The following PDE1A variants were observed in gnomAD, a reference collection of about 807,000 sequenced individuals.
The protein encoded by PDE1A is dual specificity calcium/calmodulin-dependent 3',5'-cyclic nucleotide phosphodiesterase 1A.
PDE1A carries 35 observed loss-of-function variants against 61.7 expected under a neutral mutation model. That is an observed-to-expected ratio of 0.57 (90% CI 0.43 to 0.75). The LOEUF (loss-of-function observed/expected upper bound fraction) is 0.75. PDE1A is among the 30% of genes least tolerant of loss of function. The pLI, the probability that PDE1A is intolerant of heterozygous loss-of-function variation, is 0.00. For synonymous variants in PDE1A, 232 were observed against 213.2 expected (o/e 1.09, Z -0.77); for missense variants, 597 against 630.6 (o/e 0.95, Z 0.57).
At chr2:182,502,165 C>A (rs1296963404) in intron 2 of PDE1A, among the ~76,000 whole-genome samples, 1 of 152,154 alleles carries the variant, frequency 6.6e-6, no homozygotes, top group East Asian at 1.9e-4. Flanking sequence ...ATAAAAGTAA[C>A]CAGAGTTTTC....
chr2:182,453,188 G>A (rs2125724384), intron 2 of PDE1A, among the ~76,000 whole-genome samples: 1 of 152,196 alleles, frequency 6.6e-6, no homozygotes, highest in African/African-American at 2.4e-5. Flanking sequence ...CCTCAGCAAA[G>A]CATGGTGGTA....
intron 7 of PDE1A, among the ~76,000 whole-genome samples, chr2:182,212,540 CACAGGTCAGTGGGT>C (rs1687717227): frequency 6.6e-6 from 1 of 152,178 alleles, no homozygotes; most frequent in African/African-American, 2.4e-5. Context: ...AGACAGTGGG[CACAGGTCAGTGGGT>C]GCGCGCACCG....
exon 5 of PDE1A, chr2:182,231,020 A>G: frequency 1.3e-6 from 2 of 1,503,162 alleles, no homozygotes; most frequent in Non-Finnish European, 1.8e-6. Flanking sequence ...CTGACCTTGA[A>G]ACGGTTGATA....
rs1436697220 is a variant in PDE1A, at chr2:182,522,238, T to G, written c.101+38A>C. 1.9e-6 allele frequency: 3 copies of G among 1,549,880 alleles called. No homozygotes were observed. In the African/African-American group the frequency reaches 4.1e-5, roughly 21 times the overall value. ...ACAATTAGTCACGTTAATAGTCAAA[T>G]CTTTTGGGGGGAAATAAAAAGCAAA... On this transcript the variant is annotated intron_variant, in intron 2 of 14. Coordinates refer to the PDE1A transcript ENST00000410103.
intron 1 of PDE1A, among the ~76,000 whole-genome samples, chr2:182,407,144 T>C (rs1702343961): frequency 6.6e-6 from 1 of 152,198 alleles, no homozygotes; most frequent in South Asian, 2.1e-4. Context: ...TTGGCAGAGA[T>C]TTATGAAATC....
chr2:182,380,106 CTTTT>C (rs1226939777), intron 1 of PDE1A, among the ~76,000 whole-genome samples: 9 of 103,858 alleles, frequency 8.7e-5, no homozygotes, highest in Non-Finnish European at 1.1e-4. Context: ...CCCAGCTCCT[CTTTT>C]TTTTTTTTTT....
chr2:182,613,753 T>G, the PDE1A span, among the ~76,000 whole-genome samples: 1 of 152,194 alleles, frequency 6.6e-6, no homozygotes, highest in Non-Finnish European at 1.5e-5. Flanking sequence ...CTGTTCATTT[T>G]GAGAAATTTT....
the PDE1A span, among the ~76,000 whole-genome samples, chr2:182,701,947 C>T: frequency 1.3e-5 from 2 of 152,054 alleles, no homozygotes; most frequent in Non-Finnish European, 2.9e-5. Flanking sequence ...AATAAATAAA[C>T]AAAATTTAAG....
chr2:182,388,735 C>A (rs1446106405), intron 1 of PDE1A, among the ~76,000 whole-genome samples: 1 of 151,864 alleles, frequency 6.6e-6, no homozygotes, highest in Admixed American at 6.6e-5. Flanking sequence ...CAATCTAGCA[C>A]TGCACCTCAA....
chr2:182,177,455 T>A (rs1684362396), intron 13 of PDE1A, among the ~76,000 whole-genome samples: 1 of 152,136 alleles, frequency 6.6e-6, no homozygotes, highest in African/African-American at 2.4e-5. Flanking sequence ...TTCTTCTAGA[T>A]TTTCTAGCTT....
At chr2:182,166,805 T>C (rs557128056), downstream of PDE1A, among the ~76,000 whole-genome samples, 1 of 152,332 alleles carries the variant, frequency 6.6e-6, no homozygotes, top group South Asian at 2.1e-4. Context: ...AATATACTTA[T>C]TTGTGAAAAT....
chr2:182,405,470 C>T (rs1337170219), intron 1 of PDE1A, among the ~76,000 whole-genome samples: 1 of 152,208 alleles, frequency 6.6e-6, no homozygotes, highest in Non-Finnish European at 1.5e-5. Flanking sequence ...TTGCAGGAAA[C>T]TACAAATATG....
At chr2:182,295,952 A>G (rs536438888) in intron 1 of PDE1A, among the ~76,000 whole-genome samples, 39 of 152,340 alleles carry the variant, frequency 2.6e-4, no homozygotes, top group African/African-American at 8.7e-4. Context: ...CTTGCTAGAT[A>G]CTAGAAATTT....
At chr2:182,694,660 TGAC>T in the PDE1A span, among the ~76,000 whole-genome samples, 2 of 152,244 alleles carry the variant, frequency 1.3e-5, no homozygotes, top group Admixed American at 1.3e-4. Flanking sequence ...CACATATCCT[TGAC>T]TAATACAGCA....
At chr2:182,676,908 C>T in the PDE1A span, among the ~76,000 whole-genome samples, 1 of 152,136 alleles carries the variant, frequency 6.6e-6, no homozygotes, top group Non-Finnish European at 1.5e-5. Flanking sequence ...ATAGAAGGAA[C>T]ATAACTCAGA....
the PDE1A span, among the ~76,000 whole-genome samples, chr2:182,604,271 CCTGT>C: frequency 1.3e-5 from 2 of 152,130 alleles, no homozygotes; most frequent in African/African-American, 2.4e-5. Context: ...GCTTAGATAA[CCTGT>C]CTAATTATTT....
chr2:182,240,198 T>C (rs1489400463), exon 3 of PDE1A: 1 of 1,614,006 alleles, frequency 6.2e-7, no homozygotes. Flanking sequence ...ATCCCCATTT[T>C]CCGTGTAAAG....
At chr2:182,512,516 C>T (rs1689868864) in intron 2 of PDE1A, among the ~76,000 whole-genome samples, 1 of 152,196 alleles carries the variant, frequency 6.6e-6, no homozygotes, top group South Asian at 2.1e-4. Flanking sequence ...AGAAACAATG[C>T]AAGAACTCTG....
the PDE1A span, among the ~76,000 whole-genome samples, chr2:182,684,433 T>G: frequency 6.6e-6 from 1 of 152,240 alleles, no homozygotes; most frequent in African/African-American, 2.4e-5. Context: ...CTCACTAGTT[T>G]ATTACTCTGC....
Sources: gnomAD v4.1 joint callset for allele counts (sites outside exome capture counted in the v4.1 genomes callset) on GRCh38, gnomAD v4.1.1 for gene constraint, MANE v1.5 for transcripts, NCBI Gene and HGNC (gene_info 2026-07-23, HGNC 2026-07-21) for gene names.